FRMD4B: variants seen among roughly 807,000 people sequenced by gnomAD.
FRMD4B encodes FERM domain containing 4B, also known as FERM domain-containing protein 4B.
In FRMD4B, 74 loss-of-function variants were observed where a neutral mutation model predicts 141.5. That is an observed-to-expected ratio of 0.52 (90% CI 0.43 to 0.63). The LOEUF (loss-of-function observed/expected upper bound fraction) is 0.63. Among genes scored for constraint, FRMD4B ranks in the 30% least tolerant of loss-of-function variants. FRMD4B has a pLI of 0.00. For synonymous variants in FRMD4B, 506 were observed against 467.9 expected, an observed-to-expected ratio of 1.08 and a Z score of -1.05; for missense variants, 1,366 against 1,253.4, an observed-to-expected ratio of 1.09 and a Z score of -1.36.
At chr3:69,249,104 C>G (rs2106775103) in intron 7 of FRMD4B, 122 bp downstream of exon 7, 3 of 630,430 alleles carry the variant, frequency 4.8e-6, no homozygotes, top group East Asian at 6.2e-5. Context: ...GAAGAGATCT[C>G]AGTCTCCTGC....
rs779504150 is a variant in FRMD4B, at chr3:69,170,235, CCT to C, written c.*1624_*1625del. Reference sequence around the variant, plus strand: ...CACTGCGACCTGCTTCACATGAACCCCTGACATAAATGGAAGAAAACGTAAAC... The same window carrying C: ...CACTGCGACCTGCTTCACATGAACCCGACATAAATGGAAGAAAACGTAAAC... On this transcript the variant is annotated 3_prime_UTR_variant, in exon 23 of 23. Transcript: ENST00000398540. The C allele has an allele frequency of 6.6e-6, 1 of 152,094 alleles. No individual in the cohort carries two copies. The highest frequency in any genetic ancestry group is 1.5e-5 in the Non-Finnish European group (1 of 68,024). 9.4% of individuals were successfully genotyped at this position (152,094 alleles called of 1,614,324 possible).
rs142548785 is a variant in FRMD4B, at chr3:69,481,181, G to A, written c.-128-48420C>T. On this transcript the variant is annotated intron_variant, in intron 1 of 5. Coordinates refer to the FRMD4B transcript ENST00000459638. Reference sequence around the variant, plus strand: ...CACTTCCCGAGTGAGGTAATGCCTCGCCCTGCTTCAGCTTGCGCACGGTGT... The same window carrying A: ...CACTTCCCGAGTGAGGTAATGCCTCACCCTGCTTCAGCTTGCGCACGGTGT... Among the ~76,000 whole-genome samples the A allele has an allele frequency of 4.9e-3, 740 of 152,232 alleles. 28 individuals are homozygous for A. The East Asian group carries it at 0.096, about 20-fold the overall frequency.
intron 1 of FRMD4B, among the ~76,000 whole-genome samples, chr3:69,332,854 C>T (rs1702417043): frequency 6.8e-6 from 1 of 147,492 alleles, no homozygotes; most frequent in South Asian, 2.2e-4. Flanking sequence ...GCTGGGATTA[C>T]AGGCATTATC....
chr3:69,475,560 T>C (rs1705979220), intron 1 of FRMD4B, among the ~76,000 whole-genome samples: 1 of 152,182 alleles, frequency 6.6e-6, no homozygotes, highest in South Asian at 2.1e-4. Flanking sequence ...GGCTGCATAG[T>C]ATTCCATGGT....
chr3:69,487,303 T>C (rs1416107662), intron 1 of FRMD4B, among the ~76,000 whole-genome samples: 1 of 152,220 alleles, frequency 6.6e-6, no homozygotes, highest in Non-Finnish European at 1.5e-5. Flanking sequence ...TCTTTGTTCC[T>C]TTAGATGACA....
chr3:69,217,714 T>G (rs760163766), intron 10 of FRMD4B, among the ~76,000 whole-genome samples: 3 of 152,204 alleles, frequency 2.0e-5, no homozygotes, highest in Non-Finnish European at 4.4e-5. Context: ...CATTTTGAAT[T>G]GTATAGAGAT....
chr3:69,270,263 G>A (rs2093587996), intron 5 of FRMD4B, among the ~76,000 whole-genome samples: 1 of 152,154 alleles, frequency 6.6e-6, no homozygotes, highest in South Asian at 2.1e-4. Flanking sequence ...ATCATGAAAT[G>A]GAAGTCTTCT....
At chr3:69,190,526 C>T (rs901500305) in intron 17 of FRMD4B, among the ~76,000 whole-genome samples, 3 of 151,986 alleles carry the variant, frequency 2.0e-5, no homozygotes, top group East Asian at 1.9e-4. Flanking sequence ...GCAATCCTCC[C>T]GCCTCAGCCT....
At chr3:69,462,652 C>T (rs1705723836) in intron 1 of FRMD4B, among the ~76,000 whole-genome samples, 1 of 152,230 alleles carries the variant, frequency 6.6e-6, no homozygotes, top group Non-Finnish European at 1.5e-5. Context: ...GTGCCTACAC[C>T]TGAGTCACTT....
intron 1 of FRMD4B, among the ~76,000 whole-genome samples, chr3:69,538,582 T>C (rs532069837): frequency 6.6e-6 from 1 of 152,302 alleles, no homozygotes; most frequent in Non-Finnish European, 1.5e-5. Context: ...AGTAACCCAC[T>C]AAATGGATTT....
chr3:69,219,126 T>C lies in FRMD4B; in HGVS notation c.732-747A>G, dbSNP rs944909995. 1.5e-4 allele frequency among the ~76,000 whole-genome samples: 22 copies of C among 147,908 alleles called. No homozygotes were observed. The South Asian group carries it at 2.2e-3, about 15-fold the overall frequency. On this transcript the variant is annotated intron_variant, in intron 9 of 22. Coordinates refer to ENST00000398540, the MANE Select transcript of FRMD4B (RefSeq NM_015123.3). ...GTTGCAGTGAGCCGAGATTGCACTA[T>C]TGCACTCCAGCCTGGGTGACAGAGT...
intron 1 of FRMD4B, among the ~76,000 whole-genome samples, chr3:69,365,906 T>C (rs954689115): frequency 2.6e-5 from 4 of 152,100 alleles, no homozygotes; most frequent in Admixed American, 2.6e-4. Flanking sequence ...GAATGGTTAC[T>C]GTAGCATTGT....
Position 69,169,358 on chromosome 3 carries a change from T to C in FRMD4B, c.*2503A>G, listed in dbSNP as rs1250017231. Among the ~76,000 whole-genome samples, 1 of 131,030 alleles carries C rather than the reference T, an allele frequency of 7.6e-6. No individual in the cohort carries two copies. The highest frequency in any genetic ancestry group is 3.7e-4 in the East Asian group (1 of 2,704). 86.0% of individuals were successfully genotyped at this position (131,030 alleles called of 152,430 possible). Reference sequence around the variant, plus strand: ...TGCTGAACTTCCATTTCTTTCTTTTTTTTTTTTTTTTTTTTTTCTTGAGAC... The same window carrying C: ...TGCTGAACTTCCATTTCTTTCTTTTCTTTTTTTTTTTTTTTTTCTTGAGAC... On this transcript the variant is annotated 3_prime_UTR_variant, in exon 23 of 23. Transcript: ENST00000398540.
At chr3:69,329,483 G>A (rs1702294987) in intron 1 of FRMD4B, among the ~76,000 whole-genome samples, 1 of 149,558 alleles carries the variant, frequency 6.7e-6, no homozygotes, top group Non-Finnish European at 1.5e-5. Context: ...CCAAGTAGCT[G>A]GGACTACAGG....
At chr3:69,502,236 C>T (rs1243787150) in intron 1 of FRMD4B, among the ~76,000 whole-genome samples, 1 of 152,106 alleles carries the variant, frequency 6.6e-6, no homozygotes, top group Non-Finnish European at 1.5e-5. Context: ...CAATCCTAAC[C>T]CAAAAGAACA....
intron 1 of FRMD4B, among the ~76,000 whole-genome samples, chr3:69,493,685 TTCTC>T (rs138039931): frequency 4.6e-5 from 7 of 151,532 alleles, no homozygotes; most frequent in Admixed American, 2.0e-4. Context: ...TTCTTTAGAA[TTCTC>T]TCTCTCTCTC....
chr3:69,454,885 G>C (rs1705565024), intron 1 of FRMD4B, among the ~76,000 whole-genome samples: 1 of 152,258 alleles, frequency 6.6e-6, no homozygotes. Context: ...AAGTCAGCTG[G>C]ACTCCTAAAT....
At chr3:69,437,525 T>A (rs1705277667) in intron 1 of FRMD4B, among the ~76,000 whole-genome samples, 1 of 144,700 alleles carries the variant, frequency 6.9e-6, no homozygotes, top group Non-Finnish European at 1.5e-5. Context: ...GTAGTATGTA[T>A]TATATAATAT....
intron 4 of FRMD4B, among the ~76,000 whole-genome samples, chr3:69,295,101 G>C (rs1700995915): frequency 6.6e-6 from 1 of 152,142 alleles, no homozygotes; most frequent in Non-Finnish European, 1.5e-5. Flanking sequence ...TTAGCTGTTA[G>C]CACTTGTAAT....
Sources: gnomAD v4.1 joint callset for allele counts (sites outside exome capture counted in the v4.1 genomes callset) on GRCh38, gnomAD v4.1.1 for gene constraint, MANE v1.5 for transcripts, NCBI Gene and HGNC (gene_info 2026-07-23, HGNC 2026-07-21) for gene names.